ENTREP2: variants seen among roughly 807,000 people sequenced by gnomAD.
The protein encoded by ENTREP2 is protein ENTREP2.
At chr15:29,631,837 C>G in the ENTREP2 span, among the ~76,000 whole-genome samples, 2 of 152,174 alleles carry the variant, frequency 1.3e-5, no homozygotes, top group East Asian at 1.9e-4. Flanking sequence ...GCCACCTGGC[C>G]CTGGTGGATG....
At chr15:29,580,641 G>T in the ENTREP2 span, among the ~76,000 whole-genome samples, 1 of 152,098 alleles carries the variant, frequency 6.6e-6, no homozygotes, top group Non-Finnish European at 1.5e-5. Context: ...TAGGAGGAAA[G>T]GTGAGATCTA....
At chr15:29,624,770 A>G in the ENTREP2 span, among the ~76,000 whole-genome samples, 1 of 152,282 alleles carries the variant, frequency 6.6e-6, no homozygotes, top group Non-Finnish European at 1.5e-5. Flanking sequence ...GACATCTTTT[A>G]TAACTCTATT....
the ENTREP2 span, among the ~76,000 whole-genome samples, chr15:29,164,455 A>C: frequency 6.6e-6 from 1 of 152,190 alleles, no homozygotes; most frequent in Admixed American, 6.5e-5. Context: ...CACCTAACAC[A>C]TAAGGACTCA....
the ENTREP2 span, among the ~76,000 whole-genome samples, chr15:29,448,599 C>T: frequency 6.6e-6 from 1 of 152,304 alleles, no homozygotes; most frequent in African/African-American, 2.4e-5. Context: ...GCAGAGAAAC[C>T]ATCAACTGAC....
At chr15:29,657,448 G>T in the ENTREP2 span, among the ~76,000 whole-genome samples, 2 of 137,874 alleles carry the variant, frequency 1.5e-5, no homozygotes, top group East Asian at 4.5e-4. Context: ...ACACAGAAGT[G>T]GACCCCTGCG....
chr15:29,621,896 T>C, the ENTREP2 span, among the ~76,000 whole-genome samples: 33 of 152,096 alleles, frequency 2.2e-4, no homozygotes, highest in African/African-American at 8.0e-4. Context: ...ATAAACAAAA[T>C]GTGGTGGATT....
the ENTREP2 span, among the ~76,000 whole-genome samples, chr15:29,541,946 C>T: frequency 5.3e-5 from 8 of 152,292 alleles, no homozygotes; most frequent in African/African-American, 1.7e-4. Flanking sequence ...ATTAGTTGGT[C>T]CTCCTGTTTT....
the ENTREP2 span, among the ~76,000 whole-genome samples, chr15:29,495,082 T>C: frequency 6.6e-6 from 1 of 152,234 alleles, no homozygotes; most frequent in Non-Finnish European, 1.5e-5. Context: ...TGTTGGATCA[T>C]ATGGTTGTTC....
the ENTREP2 span, among the ~76,000 whole-genome samples, chr15:29,601,785 G>A: frequency 2.6e-5 from 4 of 152,086 alleles, no homozygotes; most frequent in Non-Finnish European, 4.4e-5. Flanking sequence ...GAGAATCACC[G>A]AGGCAGCACA....
the ENTREP2 span, among the ~76,000 whole-genome samples, chr15:29,159,459 T>C: frequency 6.5e-4 from 99 of 152,328 alleles, no homozygotes; most frequent in African/African-American, 2.2e-3. Context: ...TTGCTACTGC[T>C]AGCTTGGGCA....
chr15:29,624,338 C>T, the ENTREP2 span, among the ~76,000 whole-genome samples: 1 of 151,840 alleles, frequency 6.6e-6, no homozygotes, highest in African/African-American at 2.4e-5. Flanking sequence ...CGTGCGCACA[C>T]ACACACACAC....
chr15:29,237,734 C>T, the ENTREP2 span, among the ~76,000 whole-genome samples: 1 of 152,114 alleles, frequency 6.6e-6, no homozygotes, highest in Non-Finnish European at 1.5e-5. Flanking sequence ...GCAGCTGCTC[C>T]GTAAAATGGT....
At chr15:29,391,998 T>C in the ENTREP2 span, among the ~76,000 whole-genome samples, 4 of 152,176 alleles carry the variant, frequency 2.6e-5, no homozygotes, top group Non-Finnish European at 4.4e-5. Context: ...CTAATTTTTT[T>C]TCCTATTTTT....
At chr15:29,624,992 A>T in the ENTREP2 span, among the ~76,000 whole-genome samples, 16 of 151,676 alleles carry the variant, frequency 1.1e-4, no homozygotes, top group Non-Finnish European at 2.4e-4. Context: ...TCTCTGGGGA[A>T]CTATCTCATA....
the ENTREP2 span, among the ~76,000 whole-genome samples, chr15:29,353,164 A>G: frequency 2.0e-5 from 3 of 152,158 alleles, no homozygotes; most frequent in Non-Finnish European, 4.4e-5. Flanking sequence ...TTAAAAATAT[A>G]TAAATAATTT....
At chr15:29,637,369 A>T in the ENTREP2 span, among the ~76,000 whole-genome samples, 1 of 152,188 alleles carries the variant, frequency 6.6e-6, no homozygotes, top group East Asian at 1.9e-4. Context: ...TGTGCTTGCA[A>T]TGGGGACATA....
the ENTREP2 span, among the ~76,000 whole-genome samples, chr15:29,219,661 A>ATATATATATATATG: frequency 7.6e-6 from 1 of 132,374 alleles, no homozygotes; most frequent in Non-Finnish European, 1.6e-5. Flanking sequence ...ATATATATAT[A>ATATATATATATATG]TATGATGGAA....
the ENTREP2 span, among the ~76,000 whole-genome samples, chr15:29,449,032 G>A: frequency 1.8e-4 from 28 of 152,168 alleles, no homozygotes; most frequent in Non-Finnish European, 3.1e-4. Flanking sequence ...CACTGTTACT[G>A]CATCTACATG....
the ENTREP2 span, among the ~76,000 whole-genome samples, chr15:29,208,134 C>G: frequency 6.6e-6 from 1 of 151,678 alleles, no homozygotes; most frequent in African/African-American, 2.4e-5. Flanking sequence ...CACCATTTCC[C>G]TCTTTTGCTT....
Sources: gnomAD v4.1 joint callset for allele counts (sites outside exome capture counted in the v4.1 genomes callset) on GRCh38, gnomAD v4.1.1 for gene constraint, MANE v1.5 for transcripts, NCBI Gene and HGNC (gene_info 2026-07-23, HGNC 2026-07-21) for gene names.